ENOX1: variants seen among roughly 807,000 people sequenced by gnomAD.
The protein encoded by ENOX1 is ecto-NOX disulfide-thiol exchanger 1.
A neutral mutation model predicts 82.5 loss-of-function variants in ENOX1; 42 were observed. The ratio of observed to expected loss-of-function variants is 0.51; its 90% CI spans 0.40 to 0.66. The LOEUF (loss-of-function observed/expected upper bound fraction) is 0.66. Among genes scored for constraint, ENOX1 ranks in the 30% least tolerant of loss-of-function variants. The probability of loss-of-function intolerance (pLI) is 0.00; values close to 1 mark genes in which losing one functional copy is unlikely to be tolerated. For missense variants in ENOX1, 608 were observed against 811.6 expected (o/e 0.75, Z 3.05); for synonymous variants, 271 against 282.2 (o/e 0.96, Z 0.40).
chr13:43,730,024 C>T (rs2153821598), intron 1 of ENOX1, among the ~76,000 whole-genome samples: 1 of 152,366 alleles, frequency 6.6e-6, no homozygotes, highest in Middle Eastern at 3.4e-3. Context: ...AGGATCCCCA[C>T]TCTATCTGCG....
At chr13:43,290,493 A>G (rs2045937680) in intron 12 of ENOX1, among the ~76,000 whole-genome samples, 2 of 152,224 alleles carry the variant, frequency 1.3e-5, no homozygotes, top group African/African-American at 4.8e-5. Context: ...ACAAGTTAAC[A>G]TAGTAACAGG....
rs1191056436 is a variant in ENOX1 at position 43,573,542 on chromosome 13, T to C, written c.-218-89390A>G. On this transcript the variant is annotated intron_variant, in intron 2 of 16. Coordinates refer to ENST00000690772, the MANE Select transcript of ENOX1 (RefSeq NM_001347969.2). ...TGACATTAGCATGAATAAAATGCAG[T>C]GGCTGTCACGGCAAGAATGAAGAAA... Among the ~76,000 whole-genome samples the C allele has an allele frequency of 3.3e-5, 5 of 152,326 alleles. No individual in the cohort carries two copies. In the East Asian group the frequency reaches 9.6e-4, roughly 29 times the overall value.
intron 16 of ENOX1, among the ~76,000 whole-genome samples, chr13:43,216,064 C>T (rs1036396085): frequency 2.0e-5 from 3 of 152,084 alleles, no homozygotes; most frequent in South Asian, 2.1e-4. Context: ...GGTGTGGTGG[C>T]GCGTGCCTGT....
chr13:43,540,241 T>G (rs1275119093), intron 2 of ENOX1, among the ~76,000 whole-genome samples: 1 of 151,908 alleles, frequency 6.6e-6, no homozygotes, highest in East Asian at 1.9e-4. Flanking sequence ...AAAACATAAT[T>G]TGTTTTTTTC....
intron 2 of ENOX1, among the ~76,000 whole-genome samples, chr13:43,556,724 C>CAA (rs747308301): frequency 3.4e-5 from 4 of 117,558 alleles, no homozygotes; most frequent in African/African-American, 6.0e-5. Flanking sequence ...GTTCTATTCT[C>CAA]AAAAAAAAAA....
chr13:43,756,336 G>A (rs966735999), intron 1 of ENOX1, among the ~76,000 whole-genome samples: 1 of 151,846 alleles, frequency 6.6e-6, no homozygotes. Context: ...AGGCTGAGGT[G>A]GGAGAATCAC....
chr13:43,471,136 C>T (rs888032408), intron 3 of ENOX1, among the ~76,000 whole-genome samples: 2 of 152,128 alleles, frequency 1.3e-5, no homozygotes, highest in Non-Finnish European at 2.9e-5. Context: ...TGGAATACAA[C>T]TCAGCAATAG....
At chr13:43,273,462 A>G (rs562460351) in intron 12 of ENOX1, among the ~76,000 whole-genome samples, 4 of 152,200 alleles carry the variant, frequency 2.6e-5, no homozygotes, top group Admixed American at 6.5e-5. Flanking sequence ...CAGACATGCC[A>G]GCTGCTTCCA....
intron 5 of ENOX1, among the ~76,000 whole-genome samples, chr13:43,367,081 G>T (rs1373925353): frequency 6.6e-6 from 1 of 152,130 alleles, no homozygotes; most frequent in African/African-American, 2.4e-5. Flanking sequence ...GTTTTGCTAG[G>T]TACTCTGCAT....
At chr13:43,617,914 T>C (rs1566646527) in intron 2 of ENOX1, among the ~76,000 whole-genome samples, 1 of 149,460 alleles carries the variant, frequency 6.7e-6, no homozygotes, top group African/African-American at 2.4e-5. Context: ...TTGTTGTTGT[T>C]GTTATGGCCA....
rs774279289 is a variant in ENOX1 at position 43,298,535 on chromosome 13, G to A, written c.1262-5C>T. 1 of 1,605,810 alleles carries A rather than the reference G, an allele frequency of 6.2e-7. No homozygotes were observed. ...CGTAGGCCTGGGCAGCCAGGGCTGA[G>A]GGACAAACAGAACGAGTTCAGGTGA... On this transcript the variant is annotated splice_region_variant and splice_polypyrimidine_tract_variant and intron_variant, in intron 11 of 16. Transcript: ENST00000690772.
intron 7 of ENOX1, among the ~76,000 whole-genome samples, chr13:43,358,498 T>C (rs929911196): frequency 6.6e-6 from 1 of 152,136 alleles, no homozygotes; most frequent in Non-Finnish European, 1.5e-5. Flanking sequence ...GAGGGATGAC[T>C]GCAGTTTTCT....
At chr13:43,776,860 C>T (rs1184735320) in intron 1 of ENOX1, among the ~76,000 whole-genome samples, 2 of 151,930 alleles carry the variant, frequency 1.3e-5, no homozygotes, top group East Asian at 1.9e-4. Flanking sequence ...CTTTTCCCTG[C>T]GGTCTCCCAC....
chr13:43,525,088 A>T (rs1185227273), intron 2 of ENOX1, among the ~76,000 whole-genome samples: 1 of 152,154 alleles, frequency 6.6e-6, no homozygotes, highest in Admixed American at 6.6e-5. Flanking sequence ...ATATTTTTAA[A>T]TTTTTTAAAT....
chr13:43,698,318 A>G (rs2086739927), intron 1 of ENOX1, among the ~76,000 whole-genome samples: 1 of 152,222 alleles, frequency 6.6e-6, no homozygotes, highest in Non-Finnish European at 1.5e-5. Context: ...CCTTTTGGTA[A>G]ACACATTCAA....
At chr13:43,605,181 T>C (rs1396543641) in intron 2 of ENOX1, among the ~76,000 whole-genome samples, 4 of 151,984 alleles carry the variant, frequency 2.6e-5, no homozygotes, top group African/African-American at 4.8e-5. Context: ...AATGGAAAGA[T>C]ATTTCATGTG....
chr13:43,265,149 CAG>C (rs1472419201), intron 14 of ENOX1, among the ~76,000 whole-genome samples: 1 of 152,228 alleles, frequency 6.6e-6, no homozygotes, highest in Non-Finnish European at 1.5e-5. Context: ...AGAGCTCAAA[CAG>C]ACTCACTGAA....
chr13:43,620,347 G>T (rs779932898), intron 2 of ENOX1, among the ~76,000 whole-genome samples: 1 of 151,934 alleles, frequency 6.6e-6, no homozygotes, highest in African/African-American at 2.4e-5. Flanking sequence ...TAGAATGTCA[G>T]TTTGTGCTCT....
At chr13:43,772,189 C>T (rs1372309464) in intron 1 of ENOX1, among the ~76,000 whole-genome samples, 2 of 152,108 alleles carry the variant, frequency 1.3e-5, no homozygotes, top group Non-Finnish European at 2.9e-5. Context: ...TAAATTACTA[C>T]ACTACTTACA....
Sources: allele counts gnomAD v4.1 joint callset (sites outside exome capture counted in the v4.1 genomes callset), GRCh38; gene constraint gnomAD v4.1.1; transcripts MANE v1.5; gene names NCBI Gene and HGNC (gene_info 2026-07-23, HGNC 2026-07-21).